SCARB2: variants seen among roughly 807,000 people sequenced by gnomAD.
SCARB2 encodes the protein lysosome membrane protein 2.
In SCARB2, 29 loss-of-function variants were observed where a neutral mutation model predicts 58.6. The observed-to-expected ratio is 0.49, with a 90% CI of 0.37 to 0.67. The LOEUF (loss-of-function observed/expected upper bound fraction) is 0.67. SCARB2 is among the 30% of genes least tolerant of loss of function. The probability of loss-of-function intolerance (pLI) is 0.00; values close to 1 mark genes in which losing one functional copy is unlikely to be tolerated. For synonymous variants in SCARB2, 195 were observed against 210.1 expected, an observed-to-expected ratio of 0.93 and a Z score of 0.62; for missense variants, 488 against 578.5, an observed-to-expected ratio of 0.84 and a Z score of 1.60.
chr4:76,227,368 A>G (rs1733416460), intron 1 of SCARB2, among the ~76,000 whole-genome samples: 1 of 152,118 alleles, frequency 6.6e-6, no homozygotes. Flanking sequence ...TTTTGGAGTT[A>G]ATTTTCAGTT....
In SCARB2 at chr4:76,174,090, C is replaced by T. The variant is rs577602162; in HGVS notation, c.994+54G>A. The T allele has an allele frequency of 3.1e-6, 5 of 1,606,112 alleles. No individual in the cohort carries two copies. The East Asian group carries it at 1.1e-4, about 36-fold the overall frequency. On this transcript the variant is annotated intron_variant, in intron 7 of 11. Coordinates refer to ENST00000264896, the MANE Select transcript of SCARB2 (RefSeq NM_005506.4). ...CCAGCTACATATTCTTTGTTGAACTCCAATCCTTCTGCATTCTTGACACCC... is the reference window on the plus strand; with the variant it reads ...CCAGCTACATATTCTTTGTTGAACTTCAATCCTTCTGCATTCTTGACACCC...
intron 9 of SCARB2, among the ~76,000 whole-genome samples, chr4:76,167,901 TG>T: frequency 6.6e-6 from 1 of 152,174 alleles, no homozygotes; most frequent in East Asian, 1.9e-4. Flanking sequence ...AGGATGGTCT[TG>T]ATCTCCTGAC....
chr4:76,179,728 G>C, intron 3 of SCARB2, 23 bp from the exon 4 acceptor site: 2 of 1,591,146 alleles, frequency 1.3e-6, no homozygotes. Flanking sequence ...GGTATATTAA[G>C]ACAGCAGCAT....
At chr4:76,215,692 G>A (rs1418803227), upstream of SCARB2, among the ~76,000 whole-genome samples, 3 of 152,072 alleles carry the variant, frequency 2.0e-5, no homozygotes, top group African/African-American at 7.2e-5. Context: ...TGCTCTTGGA[G>A]CCTCAAGTCA....
At chr4:76,200,161 T>G (rs1431083844) in intron 1 of SCARB2, among the ~76,000 whole-genome samples, 4 of 152,212 alleles carry the variant, frequency 2.6e-5, no homozygotes, top group African/African-American at 9.6e-5. Flanking sequence ...TGGGAACAAC[T>G]GATCTTCCTC....
At chr4:76,192,681 CAAAA>C in intron 2 of SCARB2, 1 of 138,948 alleles carries the variant, frequency 7.2e-6, no homozygotes, top group Non-Finnish European at 1.6e-5. Flanking sequence ...GACTCTGTCT[CAAAA>C]AAAAAAAAAG....
Position 76,174,574 on chromosome 4 carries a change from C to A in SCARB2, c.825-261G>T, listed in dbSNP as rs536664186. ...ATGTGGTACAAAATTAAGATGATAA[C>A]ATTTAGAATGGAGACTCACATAAAA... On this transcript the variant is annotated intron_variant, in intron 6 of 11. Transcript: ENST00000264896. 34 of 438,204 alleles carry A rather than the reference C, an allele frequency of 7.8e-5. No homozygotes were observed. The East Asian group carries it at 1.6e-3, about 20-fold the overall frequency. 27.1% of individuals were successfully genotyped at this position (438,204 alleles called of 1,614,324 possible).
chr4:76,203,212 T>A lies in SCARB2; in HGVS notation c.118-7348A>T, dbSNP rs139552901. 2.4e-3 allele frequency among the ~76,000 whole-genome samples: 372 copies of A among 152,262 alleles called. 2 individuals are homozygous for A. Among genetic ancestry groups the A allele is most frequent in the African/African-American group, 8.3e-3 (344 of 41,544 alleles). Reference sequence around the variant, plus strand: ...CTGGTCTCTAACTCCTGGCCTCAAGTGATCCACCTACCTCGGCCTCCCAAA... The same window carrying A: ...CTGGTCTCTAACTCCTGGCCTCAAGAGATCCACCTACCTCGGCCTCCCAAA... On this transcript the variant is annotated intron_variant, in intron 1 of 11. Coordinates refer to ENST00000264896, the MANE Select transcript of SCARB2 (RefSeq NM_005506.4).
chr4:76,182,707 G>A (rs1027222882), intron 2 of SCARB2, among the ~76,000 whole-genome samples: 3 of 152,178 alleles, frequency 2.0e-5, no homozygotes, highest in Admixed American at 6.5e-5. Flanking sequence ...CATTTAGATT[G>A]TGAAATTATC....
At chr4:76,179,837 A>G in intron 3 of SCARB2, 132 bp from the exon 4 acceptor site, 1 of 776,070 alleles carries the variant, frequency 1.3e-6, no homozygotes. Context: ...CTGAAAAATC[A>G]GGCAGTGAGC....
intron 1 of SCARB2, chr4:76,213,053 C>A (rs1560723099): frequency 1.4e-4 from 39 of 273,962 alleles, no homozygotes; most frequent in South Asian, 9.8e-4. Context: ...ACATAACCTG[C>A]CTCTTCTGCG....
intron 7 of SCARB2, chr4:76,173,505 ATTT>A: frequency 6.9e-6 from 1 of 144,086 alleles, no homozygotes; most frequent in Non-Finnish European, 1.5e-5. Context: ...TAATTTTTTA[ATTT>A]TTTTTTTTTT....
chr4:76,172,117 A>C (rs1186813384), intron 7 of SCARB2, among the ~76,000 whole-genome samples: 1 of 148,816 alleles, frequency 6.7e-6, no homozygotes, highest in African/African-American at 2.4e-5. Context: ...ATATATTAAC[A>C]AATATATTAA....
At chr4:76,208,695 T>C (rs2109969913) in intron 1 of SCARB2, among the ~76,000 whole-genome samples, 1 of 152,300 alleles carries the variant, frequency 6.6e-6, no homozygotes, top group South Asian at 2.1e-4. Flanking sequence ...CCGTGGTTCT[T>C]GCCCTTTGAT....
At chr4:76,196,688 T>C (rs577100624) in intron 1 of SCARB2, among the ~76,000 whole-genome samples, 2 of 152,204 alleles carry the variant, frequency 1.3e-5, no homozygotes, top group East Asian at 1.9e-4. Context: ...TATTTTCTTA[T>C]TGGATCCCCA....
chr4:76,210,986 T>C (rs922950657), intron 1 of SCARB2, among the ~76,000 whole-genome samples: 1 of 152,236 alleles, frequency 6.6e-6, no homozygotes. Context: ...ATATTATAAC[T>C]ACATTAGAAT....
chr4:76,218,894 A>G (rs1282115215), intron 1 of SCARB2, among the ~76,000 whole-genome samples: 2 of 152,186 alleles, frequency 1.3e-5, no homozygotes, highest in Admixed American at 6.5e-5. Flanking sequence ...TACAAGCACT[A>G]TGCTAGACAG....
chr4:76,205,906 G>A lies in SCARB2; in HGVS notation c.117+7521C>T, dbSNP rs570503378. 1.1e-4 allele frequency among the ~76,000 whole-genome samples: 16 copies of A among 152,228 alleles called. No individual in the cohort carries two copies. In the East Asian group the frequency reaches 3.1e-3, roughly 29 times the overall value. On this transcript the variant is annotated intron_variant, in intron 1 of 11. Coordinates refer to ENST00000264896, the MANE Select transcript of SCARB2 (RefSeq NM_005506.4). ...AACACAACAGCACATGCACAACAACGGATACCTTCACTGGGCCTTGGGAGC... is the reference window on the plus strand; with the variant it reads ...AACACAACAGCACATGCACAACAACAGATACCTTCACTGGGCCTTGGGAGC...
At chr4:76,168,315 G>A (rs757528915) in intron 9 of SCARB2, 88 bp downstream of exon 9, 10 of 991,462 alleles carry the variant, frequency 1.0e-5, no homozygotes, top group Non-Finnish European at 1.5e-5. Context: ...CTTAGATGAA[G>A]TAGGCTGTAC....
Sources: gnomAD v4.1 joint callset for allele counts (sites outside exome capture counted in the v4.1 genomes callset) on GRCh38, gnomAD v4.1.1 for gene constraint, MANE v1.5 for transcripts, NCBI Gene and HGNC (gene_info 2026-07-23, HGNC 2026-07-21) for gene names.